The following ABHD2 variants were observed in gnomAD, a reference collection of about 807,000 sequenced individuals.
ABHD2 encodes the protein abhydrolase domain containing 2, acylglycerol lipase.
Under a neutral mutation model 48.1 loss-of-function variants are expected in ABHD2, and 20 were observed. The observed-to-expected ratio is 0.42, with a 90% CI of 0.29 to 0.60. ABHD2 has a LOEUF of 0.60. Among genes scored for constraint, ABHD2 ranks in the 20% least tolerant of loss-of-function variants. The pLI is 0.24. For synonymous variants in ABHD2, 209 were observed against 214.2 expected (o/e 0.98, Z 0.21); for missense variants, 405 against 550.9 (o/e 0.74, Z 2.65).
chr15:89,129,792 TAAAA>T (rs1013730794), intron 3 of ABHD2, among the ~76,000 whole-genome samples: 1 of 141,920 alleles, frequency 7.0e-6, no homozygotes, highest in Non-Finnish European at 1.5e-5. Context: ...GTATGCTGAT[TAAAA>T]AAAAAAAAAG....
chr15:89,197,459 T>C lies in ABHD2; in HGVS notation c.*2036T>C, dbSNP rs1257998627. 6.6e-6 allele frequency: 1 copy of C among 152,638 alleles called. No individual in the cohort carries two copies. Among genetic ancestry groups the C allele is most frequent in the African/African-American group, 2.4e-5 (1 of 41,456 alleles). 9.5% of individuals were successfully genotyped at this position (152,638 alleles called of 1,614,324 possible). The stretch of plus-strand genomic sequence containing the variant: ...CAGCTGTGATCTAGAACATTCATAG[T>C]CATATTTCTGCTACTACTACCTTCA... On this transcript the variant is annotated 3_prime_UTR_variant, in exon 11 of 11. Coordinates refer to ENST00000352732, the MANE Select transcript of ABHD2 (RefSeq NM_152924.5). This position sits in a 1 kb window ranked among gnomAD's most constrained non-coding sequence, Gnocchi z 4.4.
chr15:89,069,122 C>CTT, the ABHD2 span, among the ~76,000 whole-genome samples: 4,669 of 124,794 alleles, frequency 0.037, 236 homozygotes, highest in East Asian at 0.12. Flanking sequence ...CTTTTCTTTT[C>CTT]TTTTTTTTTT....
intron 5 of ABHD2, among the ~76,000 whole-genome samples, chr15:89,163,388 G>T (rs959891731): frequency 1.3e-5 from 2 of 152,218 alleles, no homozygotes; most frequent in Non-Finnish European, 2.9e-5. Flanking sequence ...ATTCATTAAG[G>T]AAAATTCTTC....
chr15:89,154,965 A>G (rs1283170809), intron 4 of ABHD2, among the ~76,000 whole-genome samples: 1 of 152,240 alleles, frequency 6.6e-6, no homozygotes, highest in Non-Finnish European at 1.5e-5. Context: ...CTTCTCATTC[A>G]TTCATTCATA....
Position 89,195,541 on chromosome 15 carries a change from G to A in ABHD2, c.*118G>A, listed in dbSNP as rs1430344064. ...TGGATCTGACCTCACACCATCAGCAGGGGGCACCCACCATGCACACCTGTC... is the reference window on the plus strand; with the variant it reads ...TGGATCTGACCTCACACCATCAGCAAGGGGCACCCACCATGCACACCTGTC... On this transcript the variant is annotated 3_prime_UTR_variant, in exon 11 of 11. Coordinates refer to ENST00000352732, the MANE Select transcript of ABHD2 (RefSeq NM_152924.5). This position sits in a 1 kb window ranked among gnomAD's most constrained non-coding sequence, Gnocchi z 5.1. The A allele has an allele frequency of 5.4e-6, 6 of 1,120,882 alleles. No individual in the cohort carries two copies. Among genetic ancestry groups the A allele is most frequent in the Non-Finnish European group, 7.4e-6 (6 of 809,138 alleles). 69.4% of individuals were successfully genotyped at this position (1,120,882 alleles called of 1,614,324 possible). A position where few individuals can be genotyped will look rare whatever the true frequency, so the allele number is the denominator to read the frequency against.
chr15:89,064,312 C>T, the ABHD2 span, among the ~76,000 whole-genome samples: 532 of 151,108 alleles, frequency 3.5e-3, 7 homozygotes, highest in African/African-American at 0.013. Flanking sequence ...CTCTGCCTCC[C>T]GGGTTTAAGC....
the ABHD2 span, among the ~76,000 whole-genome samples, chr15:89,065,245 A>T: frequency 6.6e-6 from 1 of 152,088 alleles, no homozygotes; most frequent in African/African-American, 2.4e-5. Context: ...ATCAGTTTAG[A>T]ATACCCCTCC....
intron 3 of ABHD2, among the ~76,000 whole-genome samples, chr15:89,143,524 G>T (rs2050440244): frequency 6.6e-6 from 1 of 152,064 alleles, no homozygotes; most frequent in African/African-American, 2.4e-5. Flanking sequence ...AAAATTAGCT[G>T]GGCATAGTGG....
In ABHD2 at chr15:89,166,154, T is replaced by C. The variant is rs986266329; in HGVS notation, c.539-9658T>C. On this transcript the variant is annotated intron_variant, in intron 5 of 10. Coordinates refer to ENST00000352732, the MANE Select transcript of ABHD2 (RefSeq NM_152924.5). The surrounding 1 kb of genome is among the most constrained non-coding windows in gnomAD (Gnocchi z 4.6). ...ATAGGATTAAAAACAATATCTTCTATGTCAAGTGAAAGGAATAAAAATAAC... is the reference window on the plus strand; with the variant it reads ...ATAGGATTAAAAACAATATCTTCTACGTCAAGTGAAAGGAATAAAAATAAC... Among the ~76,000 whole-genome samples the C allele has an allele frequency of 1.3e-5, 2 of 152,210 alleles. No homozygotes were observed. Among genetic ancestry groups the C allele is most frequent in the Non-Finnish European group, 2.9e-5 (2 of 68,040 alleles).
chr15:89,076,177 T>C, the ABHD2 span, among the ~76,000 whole-genome samples: 1 of 152,252 alleles, frequency 6.6e-6, no homozygotes, highest in Non-Finnish European at 1.5e-5. Context: ...CACTGAACGT[T>C]AGTTTTCTTC....
chr15:89,183,460 A>C (rs2051155757), intron 6 of ABHD2: 1 of 145,276 alleles, frequency 6.9e-6, no homozygotes, highest in Non-Finnish European at 1.5e-5. Context: ...TATTAAAGCA[A>C]TATAAATTTA....
rs1335808921 is a variant in ABHD2 at position 89,115,367 on chromosome 15, GGTATGTGTGTGTGTGT to G, written c.-6-952_-6-937del. 1.9e-3 allele frequency among the ~76,000 whole-genome samples: 220 copies of G among 117,586 alleles called. 1 individual carries two copies. The highest frequency in any genetic ancestry group is 5.8e-3 in the African/African-American group (176 of 30,268). 77.1% of individuals were successfully genotyped at this position (117,586 alleles called of 152,430 possible). A position where few individuals can be genotyped will look rare whatever the true frequency, so the allele number is the denominator to read the frequency against. On this transcript the variant is annotated intron_variant, in intron 2 of 10. Coordinates refer to ENST00000352732, the MANE Select transcript of ABHD2 (RefSeq NM_152924.5). ...TTATGTTTGGTTTTATATGTTTGGA[GGTATGTGTGTGTGTGT>G]GTGTGTGTGTGTGTGTGTGTGTGTG...
chr15:89,064,445 G>A, the ABHD2 span, among the ~76,000 whole-genome samples: 68 of 152,032 alleles, frequency 4.5e-4, 1 homozygote, highest in African/African-American at 1.5e-3. Context: ...AGCCAGGATG[G>A]TCTCGATCTC....
At chr15:89,142,388 C>G (rs1416162696) in intron 3 of ABHD2, among the ~76,000 whole-genome samples, 1 of 152,090 alleles carries the variant, frequency 6.6e-6, no homozygotes, top group African/African-American at 2.4e-5. Flanking sequence ...CTCAAACATC[C>G]TTGACTTCCT....
the ABHD2 span, among the ~76,000 whole-genome samples, chr15:89,068,576 C>G: frequency 6.6e-6 from 1 of 152,132 alleles, no homozygotes; most frequent in African/African-American, 2.4e-5. Flanking sequence ...TGGGCTTCAT[C>G]AGACTAGCTG....
chr15:89,099,130 A>G (rs1382460253), intron 1 of ABHD2, among the ~76,000 whole-genome samples: 4 of 152,208 alleles, frequency 2.6e-5, no homozygotes, highest in Non-Finnish European at 5.9e-5. Context: ...ATGTCGGAGG[A>G]TGCACTTTGT....
chr15:89,055,224 TG>T, the ABHD2 span, among the ~76,000 whole-genome samples: 1 of 152,158 alleles, frequency 6.6e-6, no homozygotes, highest in African/African-American at 2.4e-5. Context: ...AATCTCCTAT[TG>T]TTGGTAATTT....
chr15:89,135,803 T>C, intron 3 of ABHD2: 1 of 794,798 alleles, frequency 1.3e-6, no homozygotes, highest in Non-Finnish European at 2.3e-6. Flanking sequence ...TGCAACATCA[T>C]TAGTGGACAG....
chr15:89,161,462 G>A (rs1596132300), intron 5 of ABHD2, among the ~76,000 whole-genome samples: 3 of 152,240 alleles, frequency 2.0e-5, no homozygotes, highest in South Asian at 4.1e-4. Flanking sequence ...GTGCAATGGT[G>A]CAATCTCAGC....
Sources: gnomAD v4.1 joint callset for allele counts (sites outside exome capture counted in the v4.1 genomes callset) on GRCh38, gnomAD v4.1.1 for gene constraint, Gnocchi (gnomAD v3.1) non-coding constraint, MANE v1.5 for transcripts, NCBI Gene and HGNC (gene_info 2026-07-23, HGNC 2026-07-21) for gene names.